Variants in KSR1 observed in about 807,000 individuals in gnomAD.
The protein encoded by KSR1 is kinase suppressor of ras 1.
In KSR1, 35 loss-of-function variants were observed where a neutral mutation model predicts 92.9. The ratio of observed to expected loss-of-function variants is 0.38; its 90% CI spans 0.29 to 0.50. The LOEUF is 0.50. Ranked by LOEUF, KSR1 falls within the 20% of genes least tolerant of loss-of-function variation. The pLI, the probability that KSR1 is intolerant of heterozygous loss-of-function variation, is 0.94. For missense variants in KSR1, 972 were observed against 1,158.5 expected (o/e 0.84, Z 2.34); for synonymous variants, 467 against 472.6 (o/e 0.99, Z 0.15).
intron 1 of KSR1, among the ~76,000 whole-genome samples, chr17:27,471,680 C>T (rs1280684856): frequency 6.6e-6 from 1 of 152,168 alleles, no homozygotes; most frequent in African/African-American, 2.4e-5. Context: ...AACAGGTGTC[C>T]TCCTACTTCC....
Position 27,582,648 on chromosome 17 carries a change from G to C in KSR1, c.523G>C (p.Gly175Arg). The part of the protein sequence containing the change: ...TCLRKVTGLG[G>R]EHKEDSSWSS... ...TGACTCCACGTCTTGGTCCACAGGAGGGGAGCACAAGGAGGACTCCAGTTG... is the reference window on the plus strand; with the variant it reads ...TGACTCCACGTCTTGGTCCACAGGACGGGAGCACAAGGAGGACTCCAGTTG... The change falls in exon 4 of 21, where the codon GGG becomes CGG. Residue 175 changes from glycine (G) to arginine (R), a missense_variant and splice_region_variant. Gly to Arg is a moderately radical substitution (Grantham distance 125). Around this residue, in one of 5 missense-constraint regions of KSR1, gnomAD observed 611 missense variants for 668.0 expected, o/e 0.91. Coordinates refer to ENST00000644974, the MANE Select transcript of KSR1 (RefSeq NM_001394583.1). The C allele has an allele frequency of 6.2e-7, 1 of 1,605,858 alleles. No homozygotes were observed. Among genetic ancestry groups the C allele is most frequent in the Non-Finnish European group, 8.5e-7 (1 of 1,174,480 alleles).
chr17:27,603,759 G>T (rs980774123), intron 11 of KSR1, 75 bp from the exon 12 acceptor site: 7 of 1,472,762 alleles, frequency 4.8e-6, no homozygotes, highest in Non-Finnish European at 6.6e-6. Flanking sequence ...TGGGGGTGCT[G>T]GGTTTCAAGC....
At chr17:27,539,530 T>C (rs773144213) in intron 1 of KSR1, among the ~76,000 whole-genome samples, 1 of 152,216 alleles carries the variant, frequency 6.6e-6, no homozygotes, top group Non-Finnish European at 1.5e-5. Flanking sequence ...CTGAAAATTA[T>C]GGACCCCTGC....
chr17:27,587,199 C>CT (rs1225493820), intron 5 of KSR1: 1 of 152,420 alleles, frequency 6.6e-6, no homozygotes, highest in Non-Finnish European at 1.5e-5. Flanking sequence ...GTGGTCTTGG[C>CT]TGCTGATGGG....
At chr17:27,485,084 C>T (rs1254285950) in intron 1 of KSR1, among the ~76,000 whole-genome samples, 1 of 152,234 alleles carries the variant, frequency 6.6e-6, no homozygotes, top group Non-Finnish European at 1.5e-5. Flanking sequence ...ACCTGGCCCA[C>T]TTCCCCAGCC....
intron 1 of KSR1, among the ~76,000 whole-genome samples, chr17:27,546,346 G>A (rs527557738): frequency 3.6e-4 from 55 of 152,290 alleles, no homozygotes; most frequent in Admixed American, 6.5e-4. Flanking sequence ...AGGTGTCATC[G>A]TTCCTGTTTA....
At chr17:27,504,203 A>C (rs1240469063) in intron 1 of KSR1, among the ~76,000 whole-genome samples, 2 of 152,170 alleles carry the variant, frequency 1.3e-5, no homozygotes, top group Non-Finnish European at 2.9e-5. Context: ...GACTTACCCA[A>C]ACATCTGTGA....
chr17:27,616,452 C>T (rs940091610), intron 18 of KSR1, among the ~76,000 whole-genome samples: 2 of 152,110 alleles, frequency 1.3e-5, no homozygotes, highest in African/African-American at 4.8e-5. Flanking sequence ...TTTATTGCAG[C>T]CTGGTCTTGT....
rs541305561 is a variant in KSR1 at position 27,481,215 on chromosome 17, G to A, written c.231+24341G>A. Among the ~76,000 whole-genome samples the A allele has an allele frequency of 8.6e-5, 13 of 151,866 alleles. No homozygotes were observed. The South Asian group carries it at 1.2e-3, about 15-fold the overall frequency. ...ATTTTTGGGAATTTTTGTGAGTTTCGTGATTCACATACTGCTGTGAGTTAC... is the reference window on the plus strand; with the variant it reads ...ATTTTTGGGAATTTTTGTGAGTTTCATGATTCACATACTGCTGTGAGTTAC... On this transcript the variant is annotated intron_variant, in intron 1 of 20. Coordinates refer to ENST00000644974, the MANE Select transcript of KSR1 (RefSeq NM_001394583.1).
At chr17:27,549,657 G>T (rs377194263) in intron 1 of KSR1, among the ~76,000 whole-genome samples, 55 of 152,112 alleles carry the variant, frequency 3.6e-4, no homozygotes, top group African/African-American at 1.3e-3. Context: ...TACATTTCAG[G>T]GTGTGGATCC....
intron 1 of KSR1, among the ~76,000 whole-genome samples, chr17:27,493,127 A>G (rs1038007072): frequency 3.9e-5 from 6 of 152,212 alleles, no homozygotes; most frequent in Non-Finnish European, 7.3e-5. Context: ...TGTGAGGTAC[A>G]TGATAACCCC....
At chr17:27,500,440 T>C (rs551254967) in intron 1 of KSR1, among the ~76,000 whole-genome samples, 3 of 152,170 alleles carry the variant, frequency 2.0e-5, no homozygotes, top group African/African-American at 7.2e-5. Flanking sequence ...TCCAGAAGGC[T>C]CTATGGAGGT....
chr17:27,559,796 A>T lies in KSR1; in HGVS notation c.372+9088A>T, dbSNP rs951999399. ...GGGAAGAATATCTGCAGAGACCCTG[A>T]GGATGAGGAAATCAGAGCGCTTGTG... is the stretch of plus-strand genomic sequence containing the variant. On this transcript the variant is annotated intron_variant, in intron 2 of 20. Coordinates refer to ENST00000644974, the MANE Select transcript of KSR1 (RefSeq NM_001394583.1). The surrounding 1 kb of genome is among the most constrained non-coding windows in gnomAD (Gnocchi z 4.2). Among the ~76,000 whole-genome samples, 1 of 152,234 alleles carries T rather than the reference A, an allele frequency of 6.6e-6. No homozygotes were observed. Among genetic ancestry groups the T allele is most frequent in the Non-Finnish European group, 1.5e-5 (1 of 68,042 alleles).
At chr17:27,589,428 C>G (rs1306316496) in intron 6 of KSR1, among the ~76,000 whole-genome samples, 14 of 152,114 alleles carry the variant, frequency 9.2e-5, no homozygotes, top group Admixed American at 9.2e-4. Flanking sequence ...GATCCAGACC[C>G]TGTTACACAG....
At chr17:27,600,989 G>A (rs1393188284) in intron 10 of KSR1, among the ~76,000 whole-genome samples, 1 of 152,198 alleles carries the variant, frequency 6.6e-6, no homozygotes, top group African/African-American at 2.4e-5. Flanking sequence ...GGGGCTCAGG[G>A]GGAGGAGGCC....
At chr17:27,609,968 G>A in intron 16 of KSR1, 99 bp from the exon 17 acceptor site, 1 of 1,485,994 alleles carries the variant, frequency 6.7e-7, no homozygotes, top group Admixed American at 1.9e-5. Context: ...TAAGCTGTGT[G>A]TGGGTGTTCT....
chr17:27,540,283 G>A (rs1028996665), intron 1 of KSR1, among the ~76,000 whole-genome samples: 4 of 152,356 alleles, frequency 2.6e-5, no homozygotes, highest in East Asian at 1.9e-4. Context: ...AGCTCGTTTT[G>A]TCTCAGCCTG....
At chr17:27,569,037 C>G (rs1430151147) in intron 2 of KSR1, among the ~76,000 whole-genome samples, 1 of 152,190 alleles carries the variant, frequency 6.6e-6, no homozygotes, top group Non-Finnish European at 1.5e-5. Context: ...CCCACTTTTC[C>G]TTTTGAATGT....
At chr17:27,583,163 A>T in intron 4 of KSR1, 58 bp downstream of exon 4, 1 of 1,205,416 alleles carries the variant, frequency 8.3e-7, no homozygotes, top group Non-Finnish European at 1.1e-6. Flanking sequence ...CTAATCATAA[A>T]GATATATGGA....
Sources: allele counts gnomAD v4.1 joint callset (sites outside exome capture counted in the v4.1 genomes callset), GRCh38; gene constraint gnomAD v4.1.1; regional missense constraint gnomAD v4.1.1; non-coding constraint Gnocchi (gnomAD v3.1); transcripts MANE v1.5; gene names NCBI Gene and HGNC (gene_info 2026-07-23, HGNC 2026-07-21).